The following TCF20 variants were observed in gnomAD, a reference collection of about 807,000 sequenced individuals.
The protein encoded by TCF20 is SPRE-binding protein.
Under a neutral mutation model 148.6 loss-of-function variants are expected in TCF20, and 3 were observed. The ratio of observed to expected loss-of-function variants is 0.02; its 90% CI spans 0.01 to 0.05. TCF20 has a LOEUF of 0.05. Among genes scored for constraint, TCF20 ranks in the 10% least tolerant of loss-of-function variants. The pLI, the probability that TCF20 is intolerant of heterozygous loss-of-function variation, is 1.00. For missense variants in TCF20, 2,350 were observed against 2,429.3 expected (o/e 0.97, Z 0.69); for synonymous variants, 1,049 against 909.5 (o/e 1.15, Z -2.76).
intron 2 of TCF20, among the ~76,000 whole-genome samples, chr22:42,201,171 T>C (rs975851785): frequency 6.6e-6 from 1 of 152,202 alleles, no homozygotes; most frequent in African/African-American, 2.4e-5. Flanking sequence ...GACTGTAAGT[T>C]TCCTGAGGCC....
upstream of TCF20, among the ~76,000 whole-genome samples, chr22:42,273,643 A>AC (rs1252879874): frequency 1.3e-5 from 2 of 151,986 alleles, no homozygotes; most frequent in Non-Finnish European, 2.9e-5. Flanking sequence ...AGTAAAAAAA[A>AC]AAACAAACAA....
chr22:42,220,452 C>T (rs1922253511), intron 1 of TCF20, among the ~76,000 whole-genome samples: 1 of 152,342 alleles, frequency 6.6e-6, no homozygotes. Context: ...GCTGTTTCAA[C>T]CTCCCAAAGT....
intron 2 of TCF20, among the ~76,000 whole-genome samples, chr22:42,189,609 G>C (rs1937224913): frequency 6.6e-6 from 1 of 152,222 alleles, no homozygotes; most frequent in African/African-American, 2.4e-5. Flanking sequence ...TCTGTATTAA[G>C]AGTATTCTTG....
chr22:42,179,788 C>G (rs1936682706), intron 2 of TCF20, 86 bp from the exon 3 acceptor site: 1 of 854,782 alleles, frequency 1.2e-6, no homozygotes, highest in African/African-American at 1.7e-5. Flanking sequence ...TCTGTTAGAC[C>G]TCAGCACGTG....
intron 1 of TCF20, among the ~76,000 whole-genome samples, chr22:42,339,580 C>T (rs1928128829): frequency 6.6e-6 from 1 of 152,238 alleles, no homozygotes; most frequent in Non-Finnish European, 1.5e-5. Context: ...ACTCTGCACC[C>T]ACTCTGCGTC....
chr22:42,291,798 T>A lies in TCF20; in HGVS notation c.-37+51681A>T, dbSNP rs572710263. 2.2e-3 allele frequency among the ~76,000 whole-genome samples: 333 copies of A among 151,978 alleles called. 4 individuals carry two copies. The highest frequency in any genetic ancestry group is 3.4e-3 in the Middle Eastern group (1 of 294). On this transcript the variant is annotated intron_variant, in intron 1 of 1. Coordinates refer to the TCF20 transcript ENST00000515426. ...AGGAGGGGCCTCTTGAGCCAGGGTC[T>A]CCTGATTCTGGTCCAGAGCACAGAT...
chr22:42,215,729 C>T (rs1394956995), intron 1 of TCF20, among the ~76,000 whole-genome samples: 1 of 152,086 alleles, frequency 6.6e-6, no homozygotes, highest in African/African-American at 2.4e-5. Flanking sequence ...CCTCGGCCTC[C>T]CAAAGTGCTG....
chr22:42,263,557 A>G (rs929579493), intron 1 of TCF20, among the ~76,000 whole-genome samples: 3 of 152,160 alleles, frequency 2.0e-5, no homozygotes, highest in African/African-American at 7.2e-5. Context: ...TACATCCAAA[A>G]GGCCTCACTC....
chr22:42,276,019 TATAAG>T (rs1306581385), intron 1 of TCF20, among the ~76,000 whole-genome samples: 1 of 152,158 alleles, frequency 6.6e-6, no homozygotes, highest in African/African-American at 2.4e-5. Flanking sequence ...GTTGCTTTGT[TATAAG>T]ATGACAATAA....
chr22:42,235,094 A>G (rs1267744434), intron 1 of TCF20, among the ~76,000 whole-genome samples: 2 of 150,514 alleles, frequency 1.3e-5, no homozygotes, highest in East Asian at 1.9e-4. Flanking sequence ...GTGAGCCGAG[A>G]TCGTGCCACT....
At chr22:42,245,435 A>G (rs749201629) in intron 1 of TCF20, among the ~76,000 whole-genome samples, 9 of 152,174 alleles carry the variant, frequency 5.9e-5, no homozygotes, top group Non-Finnish European at 1.0e-4. Flanking sequence ...TGAAACGTGG[A>G]AGAACAAGAT....
At chr22:42,245,040 G>T (rs984987131) in intron 1 of TCF20, among the ~76,000 whole-genome samples, 1 of 152,054 alleles carries the variant, frequency 6.6e-6, no homozygotes, top group African/African-American at 2.4e-5. Flanking sequence ...CCGTGATCAT[G>T]CCACTGCACT....
chr22:42,227,568 A>T (rs1255505452), intron 1 of TCF20, among the ~76,000 whole-genome samples: 1 of 151,998 alleles, frequency 6.6e-6, no homozygotes, highest in Admixed American at 6.6e-5. Flanking sequence ...CAATCCATAG[A>T]CCCCATTTGA....
At chr22:42,289,378 G>A (rs1927092377) in intron 1 of TCF20, among the ~76,000 whole-genome samples, 1 of 152,138 alleles carries the variant, frequency 6.6e-6, no homozygotes, top group Admixed American at 6.5e-5. Context: ...AAGAGGAACT[G>A]GTGGCTGCTG....
chr22:42,235,552 G>T (rs542572960), intron 1 of TCF20, among the ~76,000 whole-genome samples: 30 of 152,246 alleles, frequency 2.0e-4, no homozygotes, highest in Admixed American at 1.8e-3. Context: ...TTTAGTAAGC[G>T]AAGTGAACAA....
At chr22:42,163,075 C>T (rs1486601847) in intron 5 of TCF20, among the ~76,000 whole-genome samples, 1 of 152,166 alleles carries the variant, frequency 6.6e-6, no homozygotes, top group Non-Finnish European at 1.5e-5. Context: ...CCACACGTAC[C>T]CTGCCAGGCT....
In TCF20 at chr22:42,211,487, T is replaced by C. The variant is rs1470496866; in HGVS notation, c.3819A>G (p.Val1273=). 1.9e-6 allele frequency: 3 copies of C among 1,614,214 alleles called. No homozygotes were observed. The South Asian group carries it at 3.3e-5, about 18-fold the overall frequency. ...PIPSKRQSQD[V]KNSSTEDKGR... is the part of the protein sequence containing the mutation. ...CTTTATCTTCAGTGCTACTGTTCTT[T>C]ACATCTTGTGACTGTCTCTTACTGG... The change falls in exon 2 of 6, where the codon GTA becomes GTG. Residue 1273 remains valine, a synonymous_variant. Transcript: ENST00000677622.
At position 42,210,746 on chromosome 22, in the gene TCF20, C is replaced by T. The variant is rs1343314742; in HGVS notation, c.4560G>A (p.Thr1520=). The T allele has an allele frequency of 6.8e-6, 11 of 1,614,210 alleles. No homozygotes were observed. The highest frequency in any genetic ancestry group is 4.5e-5 in the East Asian group (2 of 44,886). ...GGAAACCCTCTTGCTTCGGTGAAAT[C>T]GTCACTGTATCGTTCTCCTTCTCTT... The part of the protein sequence containing the change: ...KAEEKENDTV[T]ISPKQEGFPP... Residue 1520 remains threonine, a synonymous_variant, in exon 2 of 6, where the codon ACG becomes ACA. Coordinates refer to ENST00000677622, the MANE Select transcript of TCF20 (RefSeq NM_001378418.1). The surrounding 1 kb of genome is among the most constrained non-coding windows in gnomAD (Gnocchi z 4.7).
chr22:42,207,822 G>GA lies in TCF20; in HGVS notation c.5655+1828dup, dbSNP rs576226742. 2.0e-3 allele frequency among the ~76,000 whole-genome samples: 293 copies of GA among 149,176 alleles called. 7 individuals carry two copies. In the East Asian group the frequency reaches 0.039, roughly 20 times the overall value. Reference sequence around the variant, plus strand: ...AAGAGCGAAACCCCATCTCAATAAAGAAAAAAAAATCAAGACATCTGAAGA... The same window carrying GA: ...AAGAGCGAAACCCCATCTCAATAAAGAAAAAAAAAATCAAGACATCTGAAGA... On this transcript the variant is annotated intron_variant, in intron 2 of 5. Transcript: ENST00000677622.
Sources: gnomAD v4.1 joint callset for allele counts (sites outside exome capture counted in the v4.1 genomes callset) on GRCh38, gnomAD v4.1.1 for gene constraint, Gnocchi (gnomAD v3.1) non-coding constraint, MANE v1.5 for transcripts, NCBI Gene and HGNC (gene_info 2026-07-23, HGNC 2026-07-21) for gene names.